NELL1: variants seen among roughly 807,000 people sequenced by gnomAD.
NELL1 encodes neural EGFL like 1, also known as protein kinase C-binding protein NELL1.
A neutral mutation model predicts 107.4 loss-of-function variants in NELL1; 76 were observed. The ratio of observed to expected loss-of-function variants is 0.71; its 90% CI spans 0.59 to 0.86. The LOEUF is 0.86. Among genes scored for constraint, NELL1 ranks in the 40% least tolerant of loss-of-function variants. NELL1 has a pLI of 0.00. For missense variants in NELL1, 1,024 were observed against 1,005.5 expected (o/e 1.02, Z -0.25); for synonymous variants, 353 against 341.2 (o/e 1.03, Z -0.38).
rs376293073 is a variant in NELL1 at position 20,837,436 on chromosome 11, A to G, written c.336-10147A>G. ...TATATACTGATTGTTATACACACAC[A>G]TATATTTCTTTGTTCTGTTGGCTGA... is the stretch of plus-strand genomic sequence containing the variant. On this transcript the variant is annotated intron_variant, in intron 3 of 19. Transcript: ENST00000357134. 5.9e-5 allele frequency among the ~76,000 whole-genome samples: 9 copies of G among 152,252 alleles called. No homozygotes were observed. In the East Asian group the frequency reaches 1.5e-3, roughly 26 times the overall value.
At chr11:21,106,365 A>G (rs76946504) in intron 12 of NELL1, among the ~76,000 whole-genome samples, 34,574 of 152,100 alleles carry the variant, frequency 0.23, 4,292 homozygotes, top group South Asian at 0.44. Context: ...GTGAATATTA[A>G]ATGAGTTAAT....
intron 12 of NELL1, among the ~76,000 whole-genome samples, chr11:21,012,142 G>A (rs752408849): frequency 1.3e-5 from 2 of 152,098 alleles, no homozygotes; most frequent in Non-Finnish European, 2.9e-5. Context: ...CACTGCAGCC[G>A]CTCTACTTTT....
chr11:21,124,293 A>AT (rs1328441760), intron 13 of NELL1, among the ~76,000 whole-genome samples: 1 of 152,180 alleles, frequency 6.6e-6, no homozygotes, highest in East Asian at 1.9e-4. Flanking sequence ...AAATTAAAAA[A>AT]ATATATATTT....
intron 2 of NELL1, among the ~76,000 whole-genome samples, chr11:20,720,991 C>T (rs1023542920): frequency 6.6e-6 from 1 of 151,936 alleles, no homozygotes; most frequent in East Asian, 1.9e-4. Flanking sequence ...GTAACCAAGA[C>T]ACACTACTTT....
At chr11:21,280,022 C>T (rs576519222) in intron 14 of NELL1, among the ~76,000 whole-genome samples, 50 of 152,090 alleles carry the variant, frequency 3.3e-4, no homozygotes, top group Non-Finnish European at 6.8e-4. Context: ...ACTATGAAGA[C>T]AGTAAAATCT....
At chr11:20,803,728 A>G (rs1464519180) in intron 3 of NELL1, among the ~76,000 whole-genome samples, 1 of 152,160 alleles carries the variant, frequency 6.6e-6, no homozygotes, top group East Asian at 1.9e-4. Flanking sequence ...TGAAAGATTC[A>G]AAGTATTGAT....
intron 16 of NELL1, among the ~76,000 whole-genome samples, chr11:21,537,964 T>C (rs1856180007): frequency 6.6e-6 from 1 of 152,126 alleles, no homozygotes; most frequent in Non-Finnish European, 1.5e-5. Flanking sequence ...AGTTAAGATG[T>C]CAGTTCTTGA....
At chr11:21,238,660 C>T (rs1380848974) in intron 14 of NELL1, among the ~76,000 whole-genome samples, 1 of 151,878 alleles carries the variant, frequency 6.6e-6, no homozygotes, top group Non-Finnish European at 1.5e-5. Context: ...TTCTGAGGTT[C>T]AAAGAATTAT....
At chr11:21,303,102 CTA>C (rs1849531344) in intron 14 of NELL1, among the ~76,000 whole-genome samples, 1 of 150,918 alleles carries the variant, frequency 6.6e-6, no homozygotes, top group South Asian at 2.1e-4. Flanking sequence ...ATATCTATAT[CTA>C]TATCTATATC....
chr11:21,232,754 A>G (rs185716238), intron 14 of NELL1, among the ~76,000 whole-genome samples: 17 of 152,240 alleles, frequency 1.1e-4, no homozygotes, highest in African/African-American at 4.1e-4. Flanking sequence ...CCCGGCTTCA[A>G]GCGATTATCC....
intron 16 of NELL1, among the ~76,000 whole-genome samples, chr11:21,554,607 T>C (rs1361036409): frequency 6.6e-6 from 1 of 151,854 alleles, no homozygotes; most frequent in African/African-American, 2.4e-5. Flanking sequence ...AGAAAAATTA[T>C]AGAAACAATA....
intron 14 of NELL1, among the ~76,000 whole-genome samples, chr11:21,259,811 T>A (rs1858860353): frequency 6.6e-6 from 1 of 151,966 alleles, no homozygotes; most frequent in Non-Finnish European, 1.5e-5. Flanking sequence ...AACCCAGTCT[T>A]TATGACTGAA....
intron 15 of NELL1, among the ~76,000 whole-genome samples, chr11:21,396,025 C>T (rs1407203203): frequency 6.6e-6 from 1 of 151,560 alleles, no homozygotes; most frequent in Non-Finnish European, 1.5e-5. Flanking sequence ...CAAGTGGTTG[C>T]AACTTCTGGC....
chr11:21,335,021 C>G (rs565413502), intron 14 of NELL1, among the ~76,000 whole-genome samples: 11 of 152,026 alleles, frequency 7.2e-5, no homozygotes, highest in Non-Finnish European at 1.3e-4. Flanking sequence ...ATGGTGTCCT[C>G]TCTGAACACA....
At chr11:20,849,918 C>A (rs1018803368) in intron 4 of NELL1, among the ~76,000 whole-genome samples, 4 of 152,140 alleles carry the variant, frequency 2.6e-5, no homozygotes, top group Non-Finnish European at 5.9e-5. Flanking sequence ...GAGGGCGGAA[C>A]CTGAGAAGCA....
chr11:21,304,232 A>G (rs987673993), intron 14 of NELL1, among the ~76,000 whole-genome samples: 1 of 152,068 alleles, frequency 6.6e-6, no homozygotes, highest in Non-Finnish European at 1.5e-5. Flanking sequence ...TTTAACATGT[A>G]CTTAGACTAT....
chr11:20,998,527 C>G (rs1310866243), intron 12 of NELL1, among the ~76,000 whole-genome samples: 1 of 152,168 alleles, frequency 6.6e-6, no homozygotes, highest in African/African-American at 2.4e-5. Context: ...TAGTCCTACA[C>G]CATCTCTATA....
intron 14 of NELL1, among the ~76,000 whole-genome samples, chr11:21,249,946 T>TA (rs1565130491): frequency 1.3e-4 from 20 of 152,350 alleles, no homozygotes. Flanking sequence ...TGATGTTTTT[T>TA]AAAAAATCTT....
intron 2 of NELL1, among the ~76,000 whole-genome samples, chr11:20,750,895 A>T (rs1390205634): frequency 1.3e-5 from 2 of 152,092 alleles, no homozygotes; most frequent in African/African-American, 2.4e-5. Flanking sequence ...GCCTGGAATT[A>T]ATTTTTGTGT....
Sources: allele counts gnomAD v4.1 joint callset (sites outside exome capture counted in the v4.1 genomes callset), GRCh38; gene constraint gnomAD v4.1.1; transcripts MANE v1.5; gene names NCBI Gene and HGNC (gene_info 2026-07-23, HGNC 2026-07-21).